Variants in TOX3 observed in about 807,000 individuals in gnomAD.
TOX3 encodes the protein TOX high mobility group box family member 3.
A neutral mutation model predicts 64.3 loss-of-function variants in TOX3; 22 were observed. The ratio of observed to expected loss-of-function variants is 0.34; its 90% CI spans 0.24 to 0.49. The LOEUF (loss-of-function observed/expected upper bound fraction) is 0.49. TOX3 is among the 20% of genes least tolerant of loss of function. The probability of loss-of-function intolerance (pLI) is 0.99; values close to 1 mark genes in which losing one functional copy is unlikely to be tolerated. For synonymous variants in TOX3, 291 were observed against 273.6 expected (o/e 1.06, Z -0.63); for missense variants, 661 against 714.4 (o/e 0.93, Z 0.85).
At chr16:52,529,842 TA>T (rs35524467) in intron 1 of TOX3, among the ~76,000 whole-genome samples, 9 of 152,058 alleles carry the variant, frequency 5.9e-5, no homozygotes, top group African/African-American at 1.2e-4. Context: ...TAGAACTTTT[TA>T]AAAAAAATGA....
At chr16:52,442,661 T>C (rs187704000) in intron 6 of TOX3, among the ~76,000 whole-genome samples, 87 of 152,310 alleles carry the variant, frequency 5.7e-4, no homozygotes, top group Admixed American at 1.1e-3. Context: ...ATCACTATAT[T>C]AGCAGCTACT....
At chr16:52,473,830 G>T (rs555116053) in intron 1 of TOX3, among the ~76,000 whole-genome samples, 1 of 152,116 alleles carries the variant, frequency 6.6e-6, no homozygotes, top group African/African-American at 2.4e-5. Flanking sequence ...GCAAACAACA[G>T]GCTATGAGGT....
chr16:52,486,660 A>C (rs1961539183), intron 1 of TOX3, among the ~76,000 whole-genome samples: 1 of 152,196 alleles, frequency 6.6e-6, no homozygotes, highest in African/African-American at 2.4e-5. Context: ...GGCTGGGTGC[A>C]GTGCCTCATG....
At chr16:52,479,318 ACAAGGCTGATATAGGAGCCTG>A (rs1283810544) in intron 1 of TOX3, among the ~76,000 whole-genome samples, 4 of 152,224 alleles carry the variant, frequency 2.6e-5, no homozygotes, top group Non-Finnish European at 5.9e-5. Context: ...AAGGACAGAG[ACAAGGCTGATATAGGAGCCTG>A]CAAGTATACA....
At chr16:52,471,888 G>A (rs977050284) in intron 1 of TOX3, among the ~76,000 whole-genome samples, 2 of 152,122 alleles carry the variant, frequency 1.3e-5, no homozygotes, top group African/African-American at 2.4e-5. Context: ...GTAACTTGCC[G>A]AAGGTTATAG....
rs1295060305 is a variant in TOX3, at chr16:52,530,135, G to T, written c.87+16502C>A. Among the ~76,000 whole-genome samples, 3 of 152,168 alleles carry T rather than the reference G, an allele frequency of 2.0e-5. No individual in the cohort carries two copies. The East Asian group carries it at 5.8e-4, about 29-fold the overall frequency. ...TTATTAACACAAACTGGGCAGCAGG[G>T]ACTTCAAGAAGGACAAAAATCCTGT... On this transcript the variant is annotated intron_variant, in intron 1 of 6. Transcript: ENST00000219746.
At chr16:52,441,539 A>G (rs1258690463) in intron 6 of TOX3, among the ~76,000 whole-genome samples, 2 of 152,160 alleles carry the variant, frequency 1.3e-5, no homozygotes, top group Admixed American at 6.5e-5. Flanking sequence ...CTAATGCAAC[A>G]GTGATTGGAA....
chr16:52,515,381 A>G (rs1962427933), intron 1 of TOX3, among the ~76,000 whole-genome samples: 1 of 152,144 alleles, frequency 6.6e-6, no homozygotes, highest in Non-Finnish European at 1.5e-5. Context: ...TAAAAAGTAT[A>G]ATTTTTAAGC....
chr16:52,459,829 A>G (rs933613990), intron 3 of TOX3, among the ~76,000 whole-genome samples: 1 of 152,204 alleles, frequency 6.6e-6, no homozygotes, highest in Non-Finnish European at 1.5e-5. Flanking sequence ...TTTTTTAAGT[A>G]TAAAAATGGC....
At chr16:52,531,950 T>C (rs920835801) in intron 1 of TOX3, among the ~76,000 whole-genome samples, 1 of 152,088 alleles carries the variant, frequency 6.6e-6, no homozygotes, top group African/African-American at 2.4e-5. Context: ...GTAATCTAAA[T>C]TAATTTTGAA....
In TOX3 at chr16:52,444,233, G is replaced by A. The variant is rs189353517; in HGVS notation, c.987+43C>T. 1.4e-5 allele frequency: 21 copies of A among 1,455,478 alleles called. 1 individual carries two copies. The Admixed American group carries it at 2.3e-4, about 16-fold the overall frequency. 90.2% of individuals were successfully genotyped at this position (1,455,478 alleles called of 1,614,324 possible). A position where few individuals can be genotyped will look rare whatever the true frequency, so the allele number is the denominator to read the frequency against. On this transcript the variant is annotated intron_variant, in intron 6 of 6. Transcript: ENST00000219746. The stretch of plus-strand genomic sequence containing the variant: ...TCAATGCTTGAGGGCTGTTTTCCAC[G>A]CTGTGACTATTTTGGAGCCTGGCCG...
At chr16:52,499,507 T>A (rs752274309) in intron 1 of TOX3, among the ~76,000 whole-genome samples, 4 of 152,200 alleles carry the variant, frequency 2.6e-5, no homozygotes, top group Admixed American at 6.5e-5. Flanking sequence ...GAAGAATCTA[T>A]CACTTCAGGA....
chr16:52,456,171 C>T lies in TOX3; in HGVS notation c.409-5625G>A, dbSNP rs564040254. Among the ~76,000 whole-genome samples, 35 of 152,294 alleles carry T rather than the reference C, an allele frequency of 2.3e-4. No individual in the cohort carries two copies. The South Asian group carries it at 7.3e-3, about 32-fold the overall frequency. On this transcript the variant is annotated intron_variant, in intron 3 of 6. Transcript: ENST00000219746. The stretch of plus-strand genomic sequence containing the variant: ...TGGATTATATTCACAGTGTAGAAGG[C>T]TGCCATTGAAAGTTTAAAGCATGGT...
At chr16:52,476,220 T>C (rs1232843036) in intron 1 of TOX3, among the ~76,000 whole-genome samples, 1 of 152,164 alleles carries the variant, frequency 6.6e-6, no homozygotes, top group East Asian at 1.9e-4. Flanking sequence ...GTTCCATTGT[T>C]GGATTCTTCA....
intron 1 of TOX3, among the ~76,000 whole-genome samples, chr16:52,518,271 C>T (rs1218862356): frequency 6.6e-6 from 1 of 152,166 alleles, no homozygotes; most frequent in Admixed American, 6.5e-5. Flanking sequence ...TATGTTATTA[C>T]AGTACACTGC....
In TOX3 at chr16:52,501,608, C is replaced by A. The variant is rs545558886; in HGVS notation, c.88-33034G>T. Among the ~76,000 whole-genome samples, 6 of 151,510 alleles carry A rather than the reference C, an allele frequency of 4.0e-5. No homozygotes were observed. In the East Asian group the frequency reaches 1.2e-3, roughly 29 times the overall value. The stretch of plus-strand genomic sequence containing the variant: ...CCAGGAGGCGGAGGTTTCAGTGAGT[C>A]GACACCGCGCCACTGCACTCCAGCC... On this transcript the variant is annotated intron_variant, in intron 1 of 6. Transcript: ENST00000219746.
chr16:52,533,673 A>T (rs1344340417), intron 1 of TOX3, among the ~76,000 whole-genome samples: 15 of 151,554 alleles, frequency 9.9e-5, no homozygotes, highest in Admixed American at 8.5e-4. Context: ...TAATTTATTT[A>T]AGAGAAAAAA....
chr16:52,477,162 A>T (rs893361859), intron 1 of TOX3, among the ~76,000 whole-genome samples: 6 of 152,094 alleles, frequency 3.9e-5, no homozygotes, highest in Non-Finnish European at 8.8e-5. Context: ...GGCAAAAAGG[A>T]GGGAGTGAGT....
intron 3 of TOX3, among the ~76,000 whole-genome samples, chr16:52,457,676 T>C (rs1960560594): frequency 1.3e-5 from 2 of 152,214 alleles, no homozygotes; most frequent in Admixed American, 6.5e-5. Context: ...CTTATAGCAA[T>C]GTTAAAATTT....
Sources: gnomAD v4.1 joint callset for allele counts (sites outside exome capture counted in the v4.1 genomes callset) on GRCh38, gnomAD v4.1.1 for gene constraint, MANE v1.5 for transcripts, NCBI Gene and HGNC (gene_info 2026-07-23, HGNC 2026-07-21) for gene names.